Variants in UGT1A7 observed in about 807,000 individuals in gnomAD.
The protein encoded by UGT1A7 is UDP glucuronosyltransferase family 1 member A7.
Under a neutral mutation model 45.6 loss-of-function variants are expected in UGT1A7, and 33 were observed. The observed-to-expected ratio is 0.72, with a 90% CI of 0.55 to 0.97. The LOEUF (loss-of-function observed/expected upper bound fraction) is 0.97. UGT1A7 is among the 50% of genes least tolerant of loss of function. The probability of loss-of-function intolerance (pLI) is 0.00; values close to 1 mark genes in which losing one functional copy is unlikely to be tolerated. For synonymous variants in UGT1A7, 274 were observed against 250.6 expected, an observed-to-expected ratio of 1.09 and a Z score of -0.88; for missense variants, 684 against 666.2, an observed-to-expected ratio of 1.03 and a Z score of -0.29.
chr2:233,735,046 T>C (rs895113176), intron 1 of UGT1A7, among the ~76,000 whole-genome samples: 2 of 152,242 alleles, frequency 1.3e-5, no homozygotes, highest in African/African-American at 4.8e-5. Flanking sequence ...GGTGCAGAGC[T>C]GAGTTCAGGT....
intron 1 of UGT1A7, among the ~76,000 whole-genome samples, chr2:233,696,144 T>C (rs566380676): frequency 1.3e-5 from 2 of 152,304 alleles, no homozygotes; most frequent in African/African-American, 4.8e-5. Flanking sequence ...ATCCCATTGC[T>C]GGGTATATAT....
At chr2:233,719,480 G>C in intron 1 of UGT1A7, 2 of 1,613,982 alleles carry the variant, frequency 1.2e-6, no homozygotes, top group South Asian at 1.1e-5. Context: ...CTCTGGCCCT[G>C]TCCTACATTT....
Position 233,769,630 on chromosome 2 carries a change from A to G in UGT1A7, c.1295+1191A>G, listed in dbSNP as rs528146282. 1.2e-5 allele frequency: 19 copies of G among 1,611,880 alleles called. 1 individual carries two copies. The Admixed American group carries it at 2.5e-4, about 21-fold the overall frequency. ...CACACCAGCTTGAGCAAGGGACAAC[A>G]GGGGAGGACTGATGACTGACTTCCC... On this transcript the variant is annotated intron_variant, in intron 4 of 4. Coordinates refer to ENST00000373426, the MANE Select transcript of UGT1A7 (RefSeq NM_019077.3). This position sits in a 1 kb window ranked among gnomAD's most constrained non-coding sequence, Gnocchi z 4.4.
intron 1 of UGT1A7, chr2:233,722,063 A>G (rs2076988750): frequency 4.1e-6 from 1 of 244,354 alleles, no homozygotes; most frequent in Non-Finnish European, 8.2e-6. Context: ...GGTCAAGTGA[A>G]TAAAGAAGAA....
At position 233,713,313 on chromosome 2, in the gene UGT1A7, A is replaced by T. The variant is rs766255913; in HGVS notation, c.855+30521A>T. On this transcript the variant is annotated intron_variant, in intron 1 of 4. Transcript: ENST00000373426. ...GTTCTTTGAAACAGAACATCTTCTG[A>T]TGAAATTTTCTAGAAGAATGGCAAT... is the stretch of plus-strand genomic sequence containing the variant. 7 of 1,614,222 alleles carry T rather than the reference A, an allele frequency of 4.3e-6. No homozygotes were observed. The Admixed American group carries it at 1.0e-4, about 23-fold the overall frequency.
At position 233,682,632 on chromosome 2, in the gene UGT1A7, C is replaced by T; in HGVS notation, c.695C>T (p.Ser232Phe). Residue 232 changes from serine to phenylalanine, a missense_variant, in exon 1 of 5, where the codon TCT (serine) becomes TTT (phenylalanine). By Grantham distance (155) the Ser-to-Phe change is radical. Coordinates refer to ENST00000373426, the MANE Select transcript of UGT1A7 (RefSeq NM_019077.3). ...TTCAAAAATGTCTTAGAAATAGCCT[C>T]TGAAATTCTCCAAACCCCTGTCACG... ...YFFKNVLEIA[S>F]EILQTPVTAY... is the part of the protein sequence containing the mutation. The T allele has an allele frequency of 6.2e-7, 1 of 1,613,934 alleles. No homozygotes were observed. Among genetic ancestry groups the T allele is most frequent in the South Asian group, 1.1e-5 (1 of 91,082 alleles).
chr2:233,699,298 T>C (rs2075497372), intron 1 of UGT1A7, among the ~76,000 whole-genome samples: 1 of 152,206 alleles, frequency 6.6e-6, no homozygotes, highest in Admixed American at 6.5e-5. Flanking sequence ...GGGACACTCT[T>C]ATGCTGTCCT....
intron 1 of UGT1A7, chr2:233,713,411 C>T: frequency 6.2e-7 from 1 of 1,614,112 alleles, no homozygotes; most frequent in South Asian, 1.1e-5. Context: ...TGATCAGGCA[C>T]CTGCATGCTA....
chr2:233,684,980 T>C (rs1041561505), intron 1 of UGT1A7, among the ~76,000 whole-genome samples: 8 of 152,200 alleles, frequency 5.3e-5, no homozygotes, highest in Non-Finnish European at 1.2e-4. Flanking sequence ...TGCTTGATGA[T>C]GCAGTGTGTG....
chr2:233,719,373 A>G (rs772532709), intron 1 of UGT1A7: 4 of 1,613,970 alleles, frequency 2.5e-6, no homozygotes. Flanking sequence ...CTTTAAGGGC[A>G]CACAGTGTCC....
intron 1 of UGT1A7, among the ~76,000 whole-genome samples, chr2:233,707,670 C>T (rs374059443): frequency 6.6e-6 from 1 of 151,694 alleles, no homozygotes; most frequent in East Asian, 1.9e-4. Flanking sequence ...TTTATCCATT[C>T]TACTGTTGAT....
chr2:233,737,725 T>A (rs936117182), intron 1 of UGT1A7, among the ~76,000 whole-genome samples: 1 of 152,150 alleles, frequency 6.6e-6, no homozygotes, highest in African/African-American at 2.4e-5. Context: ...CACCTCCTTT[T>A]TTTTTCCTTT....
intron 1 of UGT1A7, among the ~76,000 whole-genome samples, chr2:233,720,407 A>G (rs2076856219): frequency 6.6e-6 from 1 of 152,094 alleles, no homozygotes; most frequent in African/African-American, 2.4e-5. Context: ...AGTGGGTGGA[A>G]GGGACTAGGG....
In UGT1A7 at chr2:233,693,134, G is replaced by C. The variant is rs767703127; in HGVS notation, c.855+10342G>C. 20 of 1,614,202 alleles carry C rather than the reference G, an allele frequency of 1.2e-5. No individual in the cohort carries two copies. The highest frequency in any genetic ancestry group is 1.6e-4 in the Middle Eastern group (1 of 6,062). ...CGGAAGCCACTGGCTTAGTATGAAG[G>C]ATATAGTTGAGGTTCTCAGTGACCG... On this transcript the variant is annotated intron_variant, in intron 1 of 4. Transcript: ENST00000373426.
intron 1 of UGT1A7, among the ~76,000 whole-genome samples, chr2:233,742,390 G>A (rs1691965200): frequency 6.6e-6 from 1 of 152,012 alleles, no homozygotes. Context: ...GATGGCTCAT[G>A]TTATTATTTG....
At chr2:233,764,298 G>A (rs1320441199) in intron 1 of UGT1A7, among the ~76,000 whole-genome samples, 1 of 152,076 alleles carries the variant, frequency 6.6e-6, no homozygotes, top group African/African-American at 2.4e-5. Flanking sequence ...GTGAAGTCAG[G>A]GTGAAGTTTA....
chr2:233,758,652 G>A (rs1363541572), intron 1 of UGT1A7, among the ~76,000 whole-genome samples: 2 of 152,076 alleles, frequency 1.3e-5, no homozygotes, highest in Non-Finnish European at 2.9e-5. Context: ...GAATGAGAGG[G>A]TACCCTAATT....
chr2:233,726,690 G>A (rs766630788), intron 1 of UGT1A7, among the ~76,000 whole-genome samples: 3 of 152,094 alleles, frequency 2.0e-5, no homozygotes, highest in Admixed American at 6.5e-5. Context: ...CACCTGTAAC[G>A]GAACATATTC....
intron 1 of UGT1A7, chr2:233,740,623 G>C (rs1691436478): frequency 6.6e-6 from 1 of 151,816 alleles, no homozygotes; most frequent in Non-Finnish European, 1.5e-5. Context: ...GGGGCTCACA[G>C]GGTCATGCCT....
Sources: allele counts gnomAD v4.1 joint callset (sites outside exome capture counted in the v4.1 genomes callset), GRCh38; gene constraint gnomAD v4.1.1; non-coding constraint Gnocchi (gnomAD v3.1); transcripts MANE v1.5; gene names NCBI Gene and HGNC (gene_info 2026-07-23, HGNC 2026-07-21).